WRN: variants seen among roughly 807,000 people sequenced by gnomAD.
WRN encodes the protein bifunctional 3'-5' exonuclease/ATP-dependent helicase WRN.
In WRN, 149 loss-of-function variants were observed where a neutral mutation model predicts 180.7. That is an observed-to-expected ratio of 0.82 (90% CI 0.72 to 0.94). The LOEUF (loss-of-function observed/expected upper bound fraction) is 0.94, where lower values mean the gene tolerates loss of function less well. Among genes scored for constraint, WRN ranks in the 40% least tolerant of loss-of-function variants. The probability of loss-of-function intolerance (pLI) is 0.00; values close to 1 mark genes in which losing one functional copy is unlikely to be tolerated. For missense variants in WRN, 1,661 were observed against 1,700.1 expected, an observed-to-expected ratio of 0.98 and a Z score of 0.40; for synonymous variants, 548 against 568.9, an observed-to-expected ratio of 0.96 and a Z score of 0.52.
At chr8:31,120,454 C>T (rs752970933) in intron 21 of WRN, 30 bp downstream of exon 21, 4 of 1,591,610 alleles carry the variant, frequency 2.5e-6, no homozygotes, top group Admixed American at 1.7e-5. Context: ...TTTACTCTTG[C>T]AGATTTCTTT....
intron 20 of WRN, among the ~76,000 whole-genome samples, chr8:31,118,351 C>A (rs1347036743): frequency 2.0e-5 from 3 of 151,922 alleles, no homozygotes; most frequent in Non-Finnish European, 4.4e-5. Flanking sequence ...ACGTTGATAT[C>A]AGATATTTTG....
intron 28 of WRN, among the ~76,000 whole-genome samples, chr8:31,145,605 A>C (rs753252149): frequency 2.0e-5 from 3 of 152,246 alleles, no homozygotes; most frequent in Non-Finnish European, 4.4e-5. Flanking sequence ...TCTGTAGCTC[A>C]TGGATCAAGA....
At chr8:31,146,773 G>T (rs1302537345) in intron 28 of WRN, among the ~76,000 whole-genome samples, 1 of 152,178 alleles carries the variant, frequency 6.6e-6, no homozygotes, top group Non-Finnish European at 1.5e-5. Flanking sequence ...TTCAAAAGCA[G>T]TTGGTTGAGG....
Position 31,059,168 on chromosome 8 carries a change from A to G in WRN, c.112A>G (p.Ser38Gly). The G allele has an allele frequency of 6.2e-7, 1 of 1,613,712 alleles. No homozygotes were observed. Among genetic ancestry groups the G allele is most frequent in the Non-Finnish European group, 8.5e-7 (1 of 1,179,744 alleles). Residue 38 changes from serine to glycine, a missense_variant, in exon 3 of 35, where the codon AGT (serine) becomes GGT (glycine). Coordinates refer to ENST00000298139, the MANE Select transcript of WRN (RefSeq NM_000553.6). ...VEERKACVRK[S>G]VFEDDLPFLE... Reference sequence around the variant, plus strand: ...TAAACTCAAGGCATGTGTTCGGAAGAGTGTTTTTGAAGATGACCTCCCCTT... The same window carrying G: ...TAAACTCAAGGCATGTGTTCGGAAGGGTGTTTTTGAAGATGACCTCCCCTT...
chr8:31,100,374 C>T (rs11574270), intron 17 of WRN, among the ~76,000 whole-genome samples: 12 of 152,154 alleles, frequency 7.9e-5, no homozygotes, highest in African/African-American at 2.7e-4. Context: ...TGCTCTAGTA[C>T]TGGCATTTCA....
chr8:31,071,193 C>T (rs1266143003), intron 7 of WRN, among the ~76,000 whole-genome samples: 2 of 151,856 alleles, frequency 1.3e-5, no homozygotes, highest in African/African-American at 4.8e-5. Flanking sequence ...TTGAATAGGG[C>T]TGGGCGGATG....
chr8:31,091,040 A>G (rs769189357), intron 15 of WRN, 98 bp downstream of exon 15: 3 of 928,074 alleles, frequency 3.2e-6, no homozygotes, highest in Non-Finnish European at 5.3e-6. Context: ...GTTCACAATA[A>G]CACATTTCTG....
chr8:31,124,643 T>C lies in WRN; in HGVS notation c.2732+20T>C. 1 of 1,576,054 alleles carries C rather than the reference T, an allele frequency of 6.3e-7. No homozygotes were observed. The highest frequency in any genetic ancestry group is 8.7e-7 in the Non-Finnish European group (1 of 1,146,216). ...GAGACAGTATGTATTATTTATTTTA[T>C]GCCAATAGTATGGATTTATGGATGA... On this transcript the variant is annotated intron_variant, in intron 22 of 34. Transcript: ENST00000298139.
At chr8:31,143,417 T>C in intron 27 of WRN, 133 bp from the exon 28 acceptor site, 1 of 618,084 alleles carries the variant, frequency 1.6e-6, no homozygotes, top group Non-Finnish European at 2.8e-6. Context: ...GGAGGTTATT[T>C]TCAGGTGATT....
intron 34 of WRN, 50 bp downstream of exon 34, chr8:31,167,280 C>T (rs1210455264): frequency 1.4e-6 from 2 of 1,471,172 alleles, no homozygotes; most frequent in Admixed American, 3.5e-5. Flanking sequence ...GTTCAATTTG[C>T]ATATCCTAGT....
chr8:31,130,015 C>CAA (rs140033395), intron 23 of WRN, among the ~76,000 whole-genome samples: 45,273 of 128,562 alleles, frequency 0.35, 10,360 homozygotes, highest in East Asian at 0.65. Context: ...AAAAAAAAAA[C>CAA]AAAACAAAAC....
intron 19 of WRN, among the ~76,000 whole-genome samples, chr8:31,113,596 CTA>C (rs1414992244): frequency 6.6e-6 from 1 of 152,178 alleles, no homozygotes; most frequent in Non-Finnish European, 1.5e-5. Flanking sequence ...TGTTCAGTCT[CTA>C]TGGTACTTTC....
At chr8:31,159,776 C>A (rs1467897758) in intron 33 of WRN, among the ~76,000 whole-genome samples, 1 of 151,944 alleles carries the variant, frequency 6.6e-6, no homozygotes, top group African/African-American at 2.4e-5. Context: ...GAAACCCTGT[C>A]TCTACTGAAA....
Position 31,130,014 on chromosome 8 carries a change from ACAAAAC to A in WRN, c.2826-2350_2826-2345del, listed in dbSNP as rs1563369169. On this transcript the variant is annotated intron_variant, in intron 23 of 34. Coordinates refer to ENST00000298139, the MANE Select transcript of WRN (RefSeq NM_000553.6). ...GCGACACTCTTGTCTCAAAAAAAAA[ACAAAAC>A]AAAACAAAAAAAAAAACTAGTAAGA... Among the ~76,000 whole-genome samples the A allele has an allele frequency of 6.5e-4, 77 of 117,916 alleles. 3 individuals carry two copies. Among genetic ancestry groups the A allele is most frequent in the Admixed American group, 9.9e-4 (11 of 11,096 alleles). The allele number at this position is 117,916 out of a possible 152,430, so 77.4% of individuals were successfully genotyped here.
intron 7 of WRN, among the ~76,000 whole-genome samples, 181 bp from the exon 8 acceptor site, chr8:31,075,992 A>C (rs1270623670): frequency 6.6e-6 from 1 of 152,202 alleles, no homozygotes; most frequent in African/African-American, 2.4e-5. Context: ...AAACAGTAAA[A>C]ATTTGAAAGA....
At chr8:31,114,360 G>A (rs1801432464) in intron 19 of WRN, among the ~76,000 whole-genome samples, 1 of 152,002 alleles carries the variant, frequency 6.6e-6, no homozygotes, top group Non-Finnish European at 1.5e-5. Context: ...TAATTTAGTG[G>A]TTAGATTAGA....
At chr8:31,082,841 A>G (rs910664181) in intron 9 of WRN, among the ~76,000 whole-genome samples, 1 of 152,088 alleles carries the variant, frequency 6.6e-6, no homozygotes, top group Non-Finnish European at 1.5e-5. Flanking sequence ...TCGTGATTTG[A>G]CTGACATCTT....
In WRN at chr8:31,132,158, C is replaced by T. The variant is rs11574333; in HGVS notation, c.2826-207C>T. ...GGACACTAGGATTGAGAACCATCAG[C>T]GTAACATATCTGTTACGCTACAATA... On this transcript the variant is annotated intron_variant, in intron 23 of 34. Transcript: ENST00000298139. 0.013 allele frequency among the ~76,000 whole-genome samples: 1,916 copies of T among 152,080 alleles called. 42 individuals are homozygous for T. Among genetic ancestry groups the T allele is most frequent in the African/African-American group, 0.043 (1,802 of 41,462 alleles).
intron 1 of WRN, among the ~76,000 whole-genome samples, chr8:31,042,690 C>T (rs75766362): frequency 0.022 from 3,376 of 152,238 alleles, 87 homozygotes; most frequent in East Asian, 0.073. Flanking sequence ...TTGGGGTTAG[C>T]ATACTATTGT....
Sources: allele counts gnomAD v4.1 joint callset (sites outside exome capture counted in the v4.1 genomes callset), GRCh38; gene constraint gnomAD v4.1.1; transcripts MANE v1.5; gene names NCBI Gene and HGNC (gene_info 2026-07-23, HGNC 2026-07-21).